The following NEMP2 variants were observed in gnomAD, a reference collection of about 807,000 sequenced individuals.
NEMP2 encodes nuclear envelope integral membrane protein 2.
NEMP2 carries 53 observed loss-of-function variants against 54.2 expected under a neutral mutation model. The observed-to-expected ratio is 0.98, with a 90% confidence interval of 0.78 to 1.23. The LOEUF is 1.23. Ranked by LOEUF, NEMP2 falls within the 50% of genes most tolerant of loss-of-function variation. The pLI is 0.00. For missense variants in NEMP2, 455 were observed against 511.3 expected (o/e 0.89, Z 1.06); for synonymous variants, 197 against 190.3 (o/e 1.04, Z -0.29).
In NEMP2 at chr2:190,508,429, C is replaced by T. The variant is rs1690246268; in HGVS notation, c.*760G>A. On this transcript the variant is annotated 3_prime_UTR_variant, in exon 9 of 9. Coordinates refer to ENST00000409150, the MANE Select transcript of NEMP2 (RefSeq NM_001142645.2). The surrounding 1 kb of genome is among the most constrained non-coding windows in gnomAD (Gnocchi z 4.3). ...CAAAGGATACATCAGGGCTGGATTT[C>T]TACCAGTGCTGCATCTCAGTGTGGT... 1 of 152,212 alleles carries T rather than the reference C, an allele frequency of 6.6e-6. No homozygotes were observed. The highest frequency in any genetic ancestry group is 2.1e-4 in the South Asian group (1 of 4,834). The allele number at this position is 152,212 out of a possible 1,614,324, so 9.4% of individuals were successfully genotyped here.
the NEMP2 span, chr2:190,624,397 A>T: frequency 6.6e-6 from 1 of 152,206 alleles, no homozygotes; most frequent in Admixed American, 6.5e-5. Flanking sequence ...TTCCTCAAAA[A>T]AATTATAAAT....
the NEMP2 span, chr2:190,477,163 C>G: frequency 1.4e-6 from 1 of 697,340 alleles, no homozygotes; most frequent in Non-Finnish European, 1.8e-6. Context: ...ATGTAACAAA[C>G]CTGCACGTTG....
chr2:190,483,398 A>G, the NEMP2 span, among the ~76,000 whole-genome samples: 11 of 152,320 alleles, frequency 7.2e-5, no homozygotes, highest in South Asian at 2.3e-3. Flanking sequence ...GTGACTCTGG[A>G]CAAGGCATCT....
the NEMP2 span, among the ~76,000 whole-genome samples, chr2:190,635,862 A>C: frequency 6.6e-6 from 1 of 152,042 alleles, no homozygotes; most frequent in South Asian, 2.1e-4. This position sits in a 1 kb window ranked among gnomAD's most constrained non-coding sequence, Gnocchi z 4.1. Context: ...AACAGAAGTA[A>C]GTTCCTATGT....
chr2:190,489,995 G>A, the NEMP2 span: 54 of 678,904 alleles, frequency 8.0e-5, no homozygotes, highest in Non-Finnish European at 1.1e-4. This position sits in a 1 kb window ranked among gnomAD's most constrained non-coding sequence, Gnocchi z 6.6. Context: ...TCTGAGTGGC[G>A]TATCGATGAA....
chr2:190,621,100 T>C, the NEMP2 span, among the ~76,000 whole-genome samples: 1 of 152,078 alleles, frequency 6.6e-6, no homozygotes. Context: ...TTGAAAGAAA[T>C]TAAAGAAGAT....
the NEMP2 span, among the ~76,000 whole-genome samples, chr2:190,468,479 G>T: frequency 1.3e-5 from 2 of 150,730 alleles, no homozygotes; most frequent in Non-Finnish European, 1.5e-5. Flanking sequence ...TTGAGACAGG[G>T]TCTTGCTCTG....
At chr2:190,436,402 G>T in the NEMP2 span, 2 of 1,614,106 alleles carry the variant, frequency 1.2e-6, no homozygotes, top group South Asian at 2.2e-5. The surrounding 1 kb of genome is among the most constrained non-coding windows in gnomAD (Gnocchi z 5.3). Context: ...GGGTGTAGTT[G>T]CAGACCGCTT....
the NEMP2 span, among the ~76,000 whole-genome samples, chr2:190,431,413 C>G: frequency 6.6e-6 from 1 of 152,216 alleles, no homozygotes; most frequent in Non-Finnish European, 1.5e-5. The surrounding 1 kb of genome is among the most constrained non-coding windows in gnomAD (Gnocchi z 4.4). Flanking sequence ...AGCCTGGGCA[C>G]CATTGATCAC....
At chr2:190,502,563 C>T (rs1481595259), downstream of NEMP2, among the ~76,000 whole-genome samples, 1 of 152,188 alleles carries the variant, frequency 6.6e-6, no homozygotes, top group Non-Finnish European at 1.5e-5. This position sits in a 1 kb window ranked among gnomAD's most constrained non-coding sequence, Gnocchi z 4.4. Flanking sequence ...CAGTAAACCT[C>T]ATGAAAAGTG....
At position 190,522,980 on chromosome 2, in the gene NEMP2, C is replaced by T. The variant is rs1690802253; in HGVS notation, c.213+2283G>A. Among the ~76,000 whole-genome samples, 1 of 152,156 alleles carries T rather than the reference C, an allele frequency of 6.6e-6. No individual in the cohort carries two copies. The highest frequency in any genetic ancestry group is 2.4e-5 in the African/African-American group (1 of 41,434). On this transcript the variant is annotated intron_variant, in intron 2 of 8. Transcript: ENST00000409150. The surrounding 1 kb of genome is among the most constrained non-coding windows in gnomAD (Gnocchi z 5.0). ...GTAAAACCAAGCTGTGCCCTGACCA[C>T]CTTGGGCACATGTTCTCAGAATCTG...
the NEMP2 span, among the ~76,000 whole-genome samples, chr2:190,567,136 A>C: frequency 6.6e-6 from 1 of 152,202 alleles, no homozygotes; most frequent in South Asian, 2.1e-4. The surrounding 1 kb of genome is among the most constrained non-coding windows in gnomAD (Gnocchi z 4.0). Context: ...GAATGCGATG[A>C]TAAAAGAACA....
At chr2:190,569,817 A>T in the NEMP2 span, among the ~76,000 whole-genome samples, 1 of 151,598 alleles carries the variant, frequency 6.6e-6, no homozygotes, top group African/African-American at 2.4e-5. Flanking sequence ...CCTTTCTCCA[A>T]CAATAAAGTG....
the NEMP2 span, among the ~76,000 whole-genome samples, chr2:190,453,294 G>A: frequency 6.6e-6 from 1 of 152,062 alleles, no homozygotes; most frequent in Non-Finnish European, 1.5e-5. Context: ...TGTGGGCTCT[G>A]GGTAGGGGAA....
intron 7 of NEMP2, among the ~76,000 whole-genome samples, chr2:190,511,553 ATTTTTTTTTTT>A (rs72470733): frequency 7.5e-6 from 1 of 133,688 alleles, no homozygotes; most frequent in Non-Finnish European, 1.6e-5. Context: ...ATTAAATTTA[ATTTTTTTTTTT>A]TTTTTTTTGA....
the NEMP2 span, among the ~76,000 whole-genome samples, chr2:190,596,255 C>T: frequency 0.021 from 3,168 of 152,148 alleles, 119 homozygotes; most frequent in African/African-American, 0.071. The surrounding 1 kb of genome is among the most constrained non-coding windows in gnomAD (Gnocchi z 5.1). Flanking sequence ...GTCAGGGAGT[C>T]AGGGGCTAGG....
Position 190,509,821 on chromosome 2 carries a change from C to T in NEMP2, c.1131-509G>A, listed in dbSNP as rs1690293629. Among the ~76,000 whole-genome samples, 1 of 152,162 alleles carries T rather than the reference C, an allele frequency of 6.6e-6. No individual in the cohort carries two copies. Among genetic ancestry groups the T allele is most frequent in the Non-Finnish European group, 1.5e-5 (1 of 68,018 alleles). The stretch of plus-strand genomic sequence containing the variant: ...TTGGGAGGCCAAGGCAGGCAGATCA[C>T]GAGGTCAGGAGTTAGAGACCAGCCT... On this transcript the variant is annotated intron_variant, in intron 8 of 8. Transcript: ENST00000409150. The surrounding 1 kb of genome is among the most constrained non-coding windows in gnomAD (Gnocchi z 6.1).
downstream of NEMP2, chr2:190,501,808 CGTACT>C (rs1465693294): frequency 5.9e-5 from 9 of 152,578 alleles, no homozygotes; most frequent in Non-Finnish European, 1.0e-4. Context: ...TGAACTGAAA[CGTACT>C]GTACTGTAAA....
At chr2:190,437,031 C>T in the NEMP2 span, 2 of 1,614,216 alleles carry the variant, frequency 1.2e-6, no homozygotes, top group East Asian at 4.5e-5. This position sits in a 1 kb window ranked among gnomAD's most constrained non-coding sequence, Gnocchi z 5.9. Context: ...GCTCCCTGGG[C>T]TGGGGCCTGG....
Sources: gnomAD v4.1 joint callset for allele counts (sites outside exome capture counted in the v4.1 genomes callset) on GRCh38, gnomAD v4.1.1 for gene constraint, Gnocchi (gnomAD v3.1) non-coding constraint, MANE v1.5 for transcripts, NCBI Gene and HGNC (gene_info 2026-07-23, HGNC 2026-07-21) for gene names.